The following DIP2C variants were observed in gnomAD, a reference collection of about 807,000 sequenced individuals.
DIP2C encodes DIP2 acetate--CoA ligase C (putative).
In DIP2C, 33 loss-of-function variants were observed where a neutral mutation model predicts 192.4. The observed-to-expected ratio is 0.17, with a 90% CI of 0.13 to 0.23. The LOEUF is 0.23. Ranked by LOEUF, DIP2C falls within the 10% of genes least tolerant of loss-of-function variation. The probability of loss-of-function intolerance (pLI) is 1.00; values close to 1 mark genes in which losing one functional copy is unlikely to be tolerated. For synonymous variants in DIP2C, 979 were observed against 864.1 expected (o/e 1.13, Z -2.33); for missense variants, 1,537 against 2,110.1 (o/e 0.73, Z 5.32).
At chr10:444,132 A>AC (rs1183636036) in intron 3 of DIP2C, among the ~76,000 whole-genome samples, 11 of 151,924 alleles carry the variant, frequency 7.2e-5, no homozygotes, top group Non-Finnish European at 1.5e-4. Context: ...CATGGACTCC[A>AC]CGCCATGGTG....
At chr10:413,250 A>C (rs753077090) in intron 8 of DIP2C, among the ~76,000 whole-genome samples, 1 of 152,218 alleles carries the variant, frequency 6.6e-6, no homozygotes. Flanking sequence ...TGCTACCGTT[A>C]ACCATGTGCA....
Position 542,834 on chromosome 10 carries a change from T to TCC in DIP2C, c.86-56306_86-56305dup, listed in dbSNP as rs542926769. On this transcript the variant is annotated intron_variant, in intron 1 of 36. Coordinates refer to ENST00000280886, the MANE Select transcript of DIP2C (RefSeq NM_014974.3). ...ATTGGGGAGTGGGGGGTTCTGACCC[T>TCC]CCCCCCTTCTCTATACCACAGATCA... is the stretch of plus-strand genomic sequence containing the variant. 2.1e-5 allele frequency among the ~76,000 whole-genome samples: 3 copies of TCC among 139,842 alleles called. No individual in the cohort carries two copies. The South Asian group carries it at 7.1e-4, about 33-fold the overall frequency. 91.7% of individuals were successfully genotyped at this position (139,842 alleles called of 152,430 possible).
intron 1 of DIP2C, among the ~76,000 whole-genome samples, chr10:615,155 G>C (rs1301312284): frequency 2.6e-5 from 4 of 152,256 alleles, no homozygotes; most frequent in Admixed American, 1.3e-4. Flanking sequence ...CTCGGAGAGA[G>C]ACACAGGCTT....
chr10:586,959 T>C (rs901587262), intron 1 of DIP2C, among the ~76,000 whole-genome samples: 1 of 151,742 alleles, frequency 6.6e-6, no homozygotes, highest in Non-Finnish European at 1.5e-5. Context: ...GTGCAGTGTC[T>C]AAGGCCAGAC....
chr10:579,119 G>A (rs186919067), intron 1 of DIP2C, among the ~76,000 whole-genome samples: 12 of 151,740 alleles, frequency 7.9e-5, no homozygotes, highest in African/African-American at 2.9e-4. Flanking sequence ...AGGTACATAG[G>A]TACACTAACA....
intron 1 of DIP2C, among the ~76,000 whole-genome samples, chr10:646,901 T>C (rs1055009322): frequency 3.3e-5 from 5 of 152,268 alleles, no homozygotes; most frequent in African/African-American, 1.2e-4. Flanking sequence ...GCTAGAATTA[T>C]GTTCTGTTCC....
intron 1 of DIP2C, among the ~76,000 whole-genome samples, chr10:657,803 T>C (rs1239737608): frequency 6.1e-5 from 7 of 115,490 alleles, no homozygotes; most frequent in South Asian, 3.4e-4. Flanking sequence ...CTGGACCTGA[T>C]GCTGGACCTG....
At chr10:520,279 G>A (rs868367310) in intron 1 of DIP2C, among the ~76,000 whole-genome samples, 1 of 152,090 alleles carries the variant, frequency 6.6e-6, no homozygotes, top group African/African-American at 2.4e-5. Flanking sequence ...CTCAGAACCA[G>A]AACATCAGAC....
At chr10:331,890 C>T (rs1019839539) in intron 29 of DIP2C, among the ~76,000 whole-genome samples, 1 of 152,118 alleles carries the variant, frequency 6.6e-6, no homozygotes, top group South Asian at 2.1e-4. Context: ...TGTGGTAAAA[C>T]ATATGTAACA....
rs186227344 is a variant in DIP2C at position 636,395 on chromosome 10, C to T, written c.85+53099G>A. On this transcript the variant is annotated intron_variant, in intron 1 of 36. Coordinates refer to ENST00000280886, the MANE Select transcript of DIP2C (RefSeq NM_014974.3). The surrounding 1 kb of genome is among the most constrained non-coding windows in gnomAD (Gnocchi z 4.6). ...CGTGGAGTTCCGACAACTAACATTT[C>T]GGTAGATTTGCTTTCTCACTCTCTC... 6.4e-4 allele frequency among the ~76,000 whole-genome samples: 98 copies of T among 152,224 alleles called. No homozygotes were observed. The highest frequency in any genetic ancestry group is 3.4e-4 in the Non-Finnish European group (23 of 67,996).
At chr10:634,739 G>A (rs1055736519) in intron 1 of DIP2C, among the ~76,000 whole-genome samples, 2 of 150,924 alleles carry the variant, frequency 1.3e-5, no homozygotes, top group Non-Finnish European at 1.5e-5. Context: ...CAAAAAGAAC[G>A]AGACTCCATC....
chr10:360,579 G>A (rs1441244274), intron 22 of DIP2C, among the ~76,000 whole-genome samples: 1 of 152,194 alleles, frequency 6.6e-6, no homozygotes, highest in Non-Finnish European at 1.5e-5. Context: ...ATCCCAAGTG[G>A]GAGGCAAGCC....
intron 1 of DIP2C, among the ~76,000 whole-genome samples, chr10:606,236 C>T (rs1439863885): frequency 6.6e-6 from 1 of 151,136 alleles, no homozygotes; most frequent in Non-Finnish European, 1.5e-5. Flanking sequence ...ATGGGCTCCA[C>T]CCACCCCCCC....
At chr10:493,202 G>A (rs566465598) in intron 1 of DIP2C, among the ~76,000 whole-genome samples, 23 of 152,272 alleles carry the variant, frequency 1.5e-4, no homozygotes, top group Non-Finnish European at 3.1e-4. Flanking sequence ...ACACAAAACC[G>A]CTGTCATAAC....
Position 329,574 on chromosome 10 carries a change from C to T in DIP2C, c.3612G>A (p.Leu1204=), listed in dbSNP as rs1463606427. 1 of 1,614,032 alleles carries T rather than the reference C, an allele frequency of 6.2e-7. No individual in the cohort carries two copies. The highest frequency in any genetic ancestry group is 1.7e-5 in the Admixed American group (1 of 59,994). Residue 1204 remains leucine (L), a synonymous_variant, in exon 30 of 37, where the codon CTG becomes CTA. Transcript: ENST00000280886. ...CSVYSGHQSI[L]IPPSELETNP... is the part of the protein sequence containing the mutation. ...TGGTTTCCAGCTCAGAGGGCGGGATCAGGATGGACTGGTGCCCAGAATACA... is the reference window on the plus strand; with the variant it reads ...TGGTTTCCAGCTCAGAGGGCGGGATTAGGATGGACTGGTGCCCAGAATACA...
chr10:311,914 C>CTT (rs927991853), intron 31 of DIP2C, among the ~76,000 whole-genome samples: 4 of 152,130 alleles, frequency 2.6e-5, no homozygotes, highest in African/African-American at 9.7e-5. Flanking sequence ...ACTCACGGTG[C>CTT]TCTTTCTTTC....
rs537141213 is a variant in DIP2C at position 648,792 on chromosome 10, G to A, written c.85+40702C>T. Among the ~76,000 whole-genome samples the A allele has an allele frequency of 6.4e-4, 96 of 149,642 alleles. 1 individual carries two copies. Among genetic ancestry groups the A allele is most frequent in the South Asian group, 6.1e-3 (28 of 4,622 alleles). On this transcript the variant is annotated intron_variant, in intron 1 of 36. Transcript: ENST00000280886. ...AACTGAGTCCACGTCCACATTTGACGGTGGGAGAGAACAGAGGGAAACTGA... is the reference window on the plus strand; with the variant it reads ...AACTGAGTCCACGTCCACATTTGACAGTGGGAGAGAACAGAGGGAAACTGA...
At chr10:548,427 C>T (rs1034023843) in intron 1 of DIP2C, among the ~76,000 whole-genome samples, 5 of 124,406 alleles carry the variant, frequency 4.0e-5, no homozygotes, top group African/African-American at 1.2e-4. Context: ...GCAGGAGCCG[C>T]GGAGGCCACC....
chr10:391,908 A>G (rs1047911866), intron 10 of DIP2C, among the ~76,000 whole-genome samples: 1 of 152,194 alleles, frequency 6.6e-6, no homozygotes, highest in African/African-American at 2.4e-5. Context: ...TCAAAGCTGT[A>G]GTCTCTTAAG....
Sources: allele counts gnomAD v4.1 joint callset (sites outside exome capture counted in the v4.1 genomes callset), GRCh38; gene constraint gnomAD v4.1.1; non-coding constraint Gnocchi (gnomAD v3.1); transcripts MANE v1.5; gene names NCBI Gene and HGNC (gene_info 2026-07-23, HGNC 2026-07-21).